The following BCL2L1 variants were observed in gnomAD, a reference collection of about 807,000 sequenced individuals.
BCL2L1 encodes BCL2 like 1.
BCL2L1 carries 1 observed loss-of-function variant against 18.7 expected under a neutral mutation model. That is an observed-to-expected ratio of 0.05 (90% CI 0.02 to 0.25). BCL2L1 has a LOEUF of 0.25. BCL2L1 is among the 10% of genes least tolerant of loss of function. The pLI, the probability that BCL2L1 is intolerant of heterozygous loss-of-function variation, is 1.00. For missense variants in BCL2L1, 207 were observed against 304.9 expected, an observed-to-expected ratio of 0.68 and a Z score of 2.39; for synonymous variants, 103 against 122.7, an observed-to-expected ratio of 0.84 and a Z score of 1.06.
chr20:31,718,958 G>A (rs991761911), intron 2 of BCL2L1, among the ~76,000 whole-genome samples: 3 of 152,234 alleles, frequency 2.0e-5, no homozygotes, highest in Admixed American at 6.5e-5. Context: ...GATGAAAAGT[G>A]TTGGCTTTAG....
At chr20:31,723,341 C>G (rs754490578), upstream of BCL2L1, 12 of 985,422 alleles carry the variant, frequency 1.2e-5, no homozygotes, top group Non-Finnish European at 1.4e-5. Flanking sequence ...GGCGCTGGGC[C>G]TCTCCTCAGG....
Position 31,706,854 on chromosome 20 carries a change from G to C in BCL2L1, c.564+14801C>G, listed in dbSNP as rs12624662. Among the ~76,000 whole-genome samples the C allele has an allele frequency of 1.5e-4, 23 of 152,284 alleles. No individual in the cohort carries two copies. The East Asian group carries it at 4.2e-3, about 28-fold the overall frequency. ...TTGGGCCTCCCTGCTAGCCCATGAG[G>C]GAGGCAAGGCGGGTGTTATCTTTCT... On this transcript the variant is annotated intron_variant, in intron 2 of 2. Coordinates refer to ENST00000307677, the MANE Select transcript of BCL2L1 (RefSeq NM_138578.3).
chr20:31,693,876 C>T (rs1207847460), intron 2 of BCL2L1, among the ~76,000 whole-genome samples: 2 of 151,930 alleles, frequency 1.3e-5, no homozygotes, highest in Non-Finnish European at 2.9e-5. Context: ...GATGAGTTTA[C>T]AAGTGATGAT....
At chr20:31,672,559 G>T (rs1012306075) in intron 2 of BCL2L1, among the ~76,000 whole-genome samples, 2 of 152,158 alleles carry the variant, frequency 1.3e-5, no homozygotes, top group East Asian at 3.8e-4. Context: ...GATGGCCTCT[G>T]TGTGCCTGGT....
At chr20:31,709,616 G>A (rs745933603) in intron 2 of BCL2L1, among the ~76,000 whole-genome samples, 1 of 151,834 alleles carries the variant, frequency 6.6e-6, no homozygotes, top group Non-Finnish European at 1.5e-5. Context: ...GGTGGATCAC[G>A]AGGTCAGGAG....
intron 2 of BCL2L1, among the ~76,000 whole-genome samples, chr20:31,693,441 T>C (rs747879780): frequency 1.9e-4 from 29 of 151,786 alleles, no homozygotes; most frequent in Non-Finnish European, 3.4e-4. Context: ...TGGTAAGATA[T>C]CACAAAAGAA....
At chr20:31,718,154 G>A (rs2061567575) in intron 2 of BCL2L1, among the ~76,000 whole-genome samples, 2 of 152,164 alleles carry the variant, frequency 1.3e-5, no homozygotes, top group South Asian at 4.1e-4. Context: ...TTTTACAGGC[G>A]GGAGAGACAG....
chr20:31,715,574 A>T (rs765337039), intron 2 of BCL2L1, among the ~76,000 whole-genome samples: 1 of 152,140 alleles, frequency 6.6e-6, no homozygotes, highest in Non-Finnish European at 1.5e-5. Flanking sequence ...GGCTCAAATA[A>T]ATTTAGGTAA....
At chr20:31,702,283 C>T (rs1335056024) in intron 2 of BCL2L1, among the ~76,000 whole-genome samples, 5 of 152,164 alleles carry the variant, frequency 3.3e-5, no homozygotes, top group African/African-American at 1.2e-4. Context: ...AAGGGAGAGA[C>T]AGAATGATGG....
chr20:31,678,027 G>C (rs1051323246), intron 2 of BCL2L1, among the ~76,000 whole-genome samples: 1 of 152,152 alleles, frequency 6.6e-6, no homozygotes, highest in Non-Finnish European at 1.5e-5. Context: ...ATTATGCAAG[G>C]TGTCCAGTAT....
chr20:31,711,868 A>C (rs1286591933), intron 2 of BCL2L1, among the ~76,000 whole-genome samples: 3 of 152,220 alleles, frequency 2.0e-5, no homozygotes, highest in African/African-American at 7.2e-5. Context: ...TAAAAAGAAT[A>C]ATCATGACAA....
Position 31,722,265 on chromosome 20 carries a change from G to T in BCL2L1, c.-47C>A. On this transcript the variant is annotated 5_prime_UTR_variant, in exon 2 of 3. Coordinates refer to ENST00000307677, the MANE Select transcript of BCL2L1 (RefSeq NM_138578.3). ...AACCAGTCCATTGTCCAAAACACCTGCTCACTCACTGAGTCTCGTCTCTGG... is the reference window on the plus strand; with the variant it reads ...AACCAGTCCATTGTCCAAAACACCTTCTCACTCACTGAGTCTCGTCTCTGG... 7.5e-7 allele frequency: 1 copy of T among 1,335,518 alleles called. No homozygotes were observed. Among genetic ancestry groups the T allele is most frequent in the Non-Finnish European group, 9.9e-7 (1 of 1,005,946 alleles). 82.7% of individuals were successfully genotyped at this position (1,335,518 alleles called of 1,614,324 possible).
At chr20:31,689,205 C>T (rs554087369) in intron 2 of BCL2L1, among the ~76,000 whole-genome samples, 4 of 89,646 alleles carry the variant, frequency 4.5e-5, no homozygotes, top group African/African-American at 1.7e-4. Flanking sequence ...TGGCAAGACC[C>T]TGTCTCTATA....
rs550591350 is a variant in BCL2L1 at position 31,670,466 on chromosome 20, G to A, written c.565-4380C>T. On this transcript the variant is annotated intron_variant, in intron 2 of 2. Coordinates refer to ENST00000307677, the MANE Select transcript of BCL2L1 (RefSeq NM_138578.3). ...GGAACTTTCCTGAAGTAGACGGCTGGCAGCCACAGGAAATTTTCAGCTCTG... is the reference window on the plus strand; with the variant it reads ...GGAACTTTCCTGAAGTAGACGGCTGACAGCCACAGGAAATTTTCAGCTCTG... Among the ~76,000 whole-genome samples, 11 of 152,340 alleles carry A rather than the reference G, an allele frequency of 7.2e-5. No individual in the cohort carries two copies. In the South Asian group the frequency reaches 2.3e-3, roughly 32 times the overall value.
intron 2 of BCL2L1, among the ~76,000 whole-genome samples, chr20:31,697,638 C>T (rs1269557254): frequency 6.6e-6 from 1 of 152,032 alleles, no homozygotes; most frequent in Admixed American, 6.6e-5. Flanking sequence ...GGGGTTTCAC[C>T]GTGTTAGCCA....
chr20:31,677,792 C>CT (rs2060787774), intron 2 of BCL2L1, among the ~76,000 whole-genome samples: 1 of 152,194 alleles, frequency 6.6e-6, no homozygotes, highest in African/African-American at 2.4e-5. Flanking sequence ...AGGTCTTAAT[C>CT]CACAGGTCAC....
chr20:31,683,572 C>T (rs2060899788), intron 2 of BCL2L1, among the ~76,000 whole-genome samples: 1 of 151,938 alleles, frequency 6.6e-6, no homozygotes, highest in Non-Finnish European at 1.5e-5. Context: ...AGTTCAAGAC[C>T]AGCCTGGCCA....
At chr20:31,688,113 T>C (rs921961233) in intron 2 of BCL2L1, among the ~76,000 whole-genome samples, 3 of 152,126 alleles carry the variant, frequency 2.0e-5, no homozygotes, top group African/African-American at 7.2e-5. Context: ...AAAGTGTTTA[T>C]CTTATATCCA....
intron 2 of BCL2L1, among the ~76,000 whole-genome samples, chr20:31,694,008 T>G (rs542960010): frequency 5.9e-5 from 9 of 152,128 alleles, no homozygotes; most frequent in South Asian, 2.1e-4. Flanking sequence ...CTGTAACAAC[T>G]AACTCAACAT....
Sources: allele counts gnomAD v4.1 joint callset (sites outside exome capture counted in the v4.1 genomes callset), GRCh38; gene constraint gnomAD v4.1.1; transcripts MANE v1.5; gene names NCBI Gene and HGNC (gene_info 2026-07-23, HGNC 2026-07-21).